The following SGIP1 variants were observed in gnomAD, a reference collection of about 807,000 sequenced individuals.
The protein encoded by SGIP1 is SH3GL interacting endocytic adaptor 1.
Under a neutral mutation model 107.5 loss-of-function variants are expected in SGIP1, and 38 were observed. The ratio of observed to expected loss-of-function variants is 0.35; its 90% confidence interval spans 0.27 to 0.46. SGIP1 has a LOEUF of 0.46. Among genes scored for constraint, SGIP1 ranks in the 20% least tolerant of loss-of-function variants. SGIP1 has a pLI of 1.00. For missense variants in SGIP1, 929 were observed against 1,019.5 expected, an observed-to-expected ratio of 0.91 and a Z score of 1.21; for synonymous variants, 365 against 366.1, an observed-to-expected ratio of 1.00 and a Z score of 0.03.
chr1:66,664,246 CT>C (rs1338474747), intron 8 of SGIP1, among the ~76,000 whole-genome samples: 3 of 151,584 alleles, frequency 2.0e-5, no homozygotes, highest in Admixed American at 6.6e-5. Flanking sequence ...TTTATGTGGC[CT>C]TTTTTTTCTA....
intron 1 of SGIP1, among the ~76,000 whole-genome samples, chr1:66,610,559 C>T (rs1410656415): frequency 6.6e-6 from 1 of 152,116 alleles, no homozygotes; most frequent in Non-Finnish European, 1.5e-5. Flanking sequence ...CTTTCTAATC[C>T]TTCAGTGGAA....
chr1:66,739,629 G>C (rs772027236), intron 22 of SGIP1, 92 bp downstream of exon 22: 11 of 1,331,324 alleles, frequency 8.3e-6, no homozygotes, highest in African/African-American at 1.4e-5. Context: ...AGGAGGAGAT[G>C]ACAGCAGGCC....
chr1:66,569,001 A>C (rs769968707), intron 1 of SGIP1, among the ~76,000 whole-genome samples: 6 of 151,994 alleles, frequency 3.9e-5, no homozygotes, highest in Non-Finnish European at 8.8e-5. Flanking sequence ...AAAAGACCTC[A>C]GCAATATGCT....
intron 1 of SGIP1, among the ~76,000 whole-genome samples, chr1:66,565,475 A>G (rs1363505363): frequency 6.6e-6 from 1 of 152,008 alleles, no homozygotes; most frequent in African/African-American, 2.4e-5. Flanking sequence ...TAAAAAGGAT[A>G]AACCAAGGTT....
chr1:66,698,262 A>G (rs1013297377), intron 18 of SGIP1, among the ~76,000 whole-genome samples: 1 of 152,212 alleles, frequency 6.6e-6, no homozygotes, highest in Admixed American at 6.5e-5. Flanking sequence ...CTCGAGTCCC[A>G]GTGCTTTTCT....
At chr1:66,537,443 G>T (rs576045546) in intron 1 of SGIP1, among the ~76,000 whole-genome samples, 1 of 152,202 alleles carries the variant, frequency 6.6e-6, no homozygotes, top group Admixed American at 6.5e-5. Flanking sequence ...TTTGAAAATG[G>T]CATTCTTTAG....
chr1:66,564,799 C>T (rs2059425762), intron 1 of SGIP1, among the ~76,000 whole-genome samples: 1 of 151,810 alleles, frequency 6.6e-6, no homozygotes, highest in Admixed American at 6.6e-5. Context: ...TACTTCAGTC[C>T]CCTCCTTCCC....
At chr1:66,740,766 A>C in intron 23 of SGIP1, 44 bp downstream of exon 23, 2 of 1,366,418 alleles carry the variant, frequency 1.5e-6, no homozygotes, top group Non-Finnish European at 2.1e-6. Flanking sequence ...GTAAAGCTAA[A>C]ATGGCTTTAG....
chr1:66,653,166 T>C (rs1264835277), intron 7 of SGIP1, among the ~76,000 whole-genome samples: 1 of 152,192 alleles, frequency 6.6e-6, no homozygotes, highest in Non-Finnish European at 1.5e-5. Context: ...CCAGGACTCA[T>C]AGAGGATAGA....
Position 66,741,260 on chromosome 1 carries a change from GTT to G in SGIP1, c.2300-4_2300-3del. The G allele has an allele frequency of 2.0e-6, 3 of 1,508,040 alleles. No individual in the cohort carries two copies. The highest frequency in any genetic ancestry group is 2.4e-5 in the East Asian group (1 of 41,712). The allele number at this position is 1,508,040 out of a possible 1,614,324, so 93.4% of individuals were successfully genotyped here. On this transcript the variant is annotated splice_polypyrimidine_tract_variant and intron_variant, in intron 23 of 24. Coordinates refer to ENST00000371037, the MANE Select transcript of SGIP1 (RefSeq NM_032291.4). The stretch of plus-strand genomic sequence containing the variant: ...GTTGACTGTTACCTTGTAATAATGT[GTT>G]TTTTTTTAGGGGTGGGTTCTTTGTT...
At chr1:66,689,488 C>T (rs1179088000) in intron 16 of SGIP1, among the ~76,000 whole-genome samples, 4 of 152,178 alleles carry the variant, frequency 2.6e-5, no homozygotes, top group South Asian at 2.1e-4. Context: ...AGGAATGGTA[C>T]GCTTGGACCC....
At chr1:66,694,461 T>C (rs745892489) in intron 17 of SGIP1, 4 of 1,608,610 alleles carry the variant, frequency 2.5e-6, no homozygotes, top group Admixed American at 1.7e-5. Flanking sequence ...ATGTTTTTTA[T>C]GACAAACTGC....
At chr1:66,639,949 G>T (rs1468999788) in intron 5 of SGIP1, 116 bp downstream of exon 5, 5 of 788,652 alleles carry the variant, frequency 6.3e-6, no homozygotes, top group Non-Finnish European at 8.2e-6. Context: ...TCATTAGGAA[G>T]TGTCTGGCAT....
At chr1:66,567,391 T>C (rs1371374023) in intron 1 of SGIP1, among the ~76,000 whole-genome samples, 2 of 152,194 alleles carry the variant, frequency 1.3e-5, no homozygotes, top group Non-Finnish European at 2.9e-5. Flanking sequence ...TCCTTATAGA[T>C]TCTGAATATT....
At chr1:66,715,962 G>A (rs948242160) in intron 18 of SGIP1, among the ~76,000 whole-genome samples, 1 of 152,046 alleles carries the variant, frequency 6.6e-6, no homozygotes, top group African/African-American at 2.4e-5. Flanking sequence ...TCATTACTGA[G>A]TGCTTACTAT....
At chr1:66,695,058 CA>C in intron 17 of SGIP1, 1 of 373,092 alleles carries the variant, frequency 2.7e-6, no homozygotes, top group Non-Finnish European at 4.7e-6. Flanking sequence ...AAGGGGATGA[CA>C]TTGAAGATGA....
At chr1:66,549,022 C>T (rs1393855909) in intron 1 of SGIP1, among the ~76,000 whole-genome samples, 3 of 152,148 alleles carry the variant, frequency 2.0e-5, no homozygotes, top group Non-Finnish European at 4.4e-5. Flanking sequence ...TGTAATATAG[C>T]AGCTAAATGC....
chr1:66,705,640 C>T (rs2092430985), intron 18 of SGIP1, among the ~76,000 whole-genome samples: 1 of 152,184 alleles, frequency 6.6e-6, no homozygotes, highest in Non-Finnish European at 1.5e-5. Context: ...ATTCTTCCTA[C>T]TTCTCCAATC....
chr1:66,548,674 C>A (rs1479937650), intron 1 of SGIP1, among the ~76,000 whole-genome samples: 1 of 152,104 alleles, frequency 6.6e-6, no homozygotes, highest in African/African-American at 2.4e-5. Context: ...TAGGCCAGAT[C>A]AGAAAGATAG....
Sources: gnomAD v4.1 joint callset for allele counts (sites outside exome capture counted in the v4.1 genomes callset) on GRCh38, gnomAD v4.1.1 for gene constraint, MANE v1.5 for transcripts, NCBI Gene and HGNC (gene_info 2026-07-23, HGNC 2026-07-21) for gene names.